COL4A6: variants seen among roughly 807,000 people sequenced by gnomAD.
COL4A6 encodes collagen alpha-6(IV) chain.
A neutral mutation model predicts 126.7 loss-of-function variants in COL4A6; 59 were observed. That is an observed-to-expected ratio of 0.47 (90% CI 0.38 to 0.58). The LOEUF (loss-of-function observed/expected upper bound fraction) is 0.58, where lower values mean the gene tolerates loss of function less well. Among genes scored for constraint, COL4A6 ranks in the 20% least tolerant of loss-of-function variants. The pLI, the probability that COL4A6 is intolerant of heterozygous loss-of-function variation, is 0.00. For missense variants in COL4A6, 1,285 were observed against 1,337.3 expected (o/e 0.96, Z 0.61); for synonymous variants, 547 against 496.6 (o/e 1.10, Z -1.35).
At chrX:108,248,078 A>G (rs1454061523) in intron 3 of COL4A6, among the ~76,000 whole-genome samples, 1 of 111,796 alleles carries the variant, frequency 8.9e-6, no homozygotes, top group Non-Finnish European at 1.9e-5. Context: ...TGGTATCCAG[A>G]GTAGGGGTAC....
intron 3 of COL4A6, among the ~76,000 whole-genome samples, chrX:108,309,169 T>C (rs183933656): frequency 3.6e-4 from 40 of 111,422 alleles, no homozygotes; most frequent in Middle Eastern, 4.7e-3. Flanking sequence ...ATTTTTGCTT[T>C]GTCTATACTG....
intron 2 of COL4A6, among the ~76,000 whole-genome samples, chrX:108,420,096 G>A (rs1167762138): frequency 4.5e-5 from 5 of 111,349 alleles, no homozygotes; most frequent in African/African-American, 1.6e-4. Context: ...TGTGCAAGGG[G>A]GTCATTAGGG....
intron 2 of COL4A6, among the ~76,000 whole-genome samples, chrX:108,370,218 T>A (rs188188531): frequency 8.9e-6 from 1 of 112,340 alleles, no homozygotes; most frequent in East Asian, 2.8e-4. Context: ...TGGTTTTTCA[T>A]TTTTACTTTT....
chrX:108,219,564 C>A, intron 5 of COL4A6, 134 bp downstream of exon 5: 1 of 595,010 alleles, frequency 1.7e-6, no homozygotes, highest in Non-Finnish European at 2.8e-6. Context: ...GCCCTTTAAA[C>A]CTCACCATAC....
At chrX:108,216,678 G>C (rs1432348811) in intron 5 of COL4A6, among the ~76,000 whole-genome samples, 1 of 112,540 alleles carries the variant, frequency 8.9e-6, no homozygotes, top group Non-Finnish European at 1.9e-5. Flanking sequence ...GCTCTTTGAG[G>C]GGGGAAACCA....
At chrX:108,211,455 A>G (rs1253920491) in intron 7 of COL4A6, among the ~76,000 whole-genome samples, 3 of 113,417 alleles carry the variant, frequency 2.6e-5, no homozygotes, top group Non-Finnish European at 3.7e-5. Flanking sequence ...TTTTTGGTCT[A>G]GATCCTGCAG....
At chrX:108,214,302 A>G in intron 5 of COL4A6, 74 bp from the exon 6 acceptor site, 1 of 714,660 alleles carries the variant, frequency 1.4e-6, no homozygotes, top group African/African-American at 2.1e-5. Flanking sequence ...CACAGCGAGA[A>G]AAGCCAAGCA....
chrX:108,439,412 T>C, upstream of COL4A6: 1 of 751,880 alleles, frequency 1.3e-6, no homozygotes, highest in Non-Finnish European at 1.9e-6. Flanking sequence ...CTTCTGCTTG[T>C]ATGTAGAAAC....
At chrX:108,389,767 C>T (rs191450246) in intron 2 of COL4A6, among the ~76,000 whole-genome samples, 3 of 111,247 alleles carry the variant, frequency 2.7e-5, no homozygotes, top group African/African-American at 9.8e-5. Context: ...TTGATCCTGT[C>T]GTTATGATGC....
Position 108,438,371 on chromosome X carries a change from A to C in COL4A6, c.-175T>G. ...ACTGCTTCTAGATAAGAAGTGCTCC[A>C]AAGGGAAACAGGCTCAGCGGTGCCC... On this transcript the variant is annotated 5_prime_UTR_variant, in exon 1 of 45. Transcript: ENST00000334504. The C allele has an allele frequency of 1.9e-6, 2 of 1,065,179 alleles. No individual in the cohort carries two copies. The highest frequency in any genetic ancestry group is 2.4e-6 in the Non-Finnish European group (2 of 826,912). 87.8% of individuals were successfully genotyped at this position (1,065,179 alleles called of 1,213,427 possible).
intron 3 of COL4A6, among the ~76,000 whole-genome samples, chrX:108,296,388 G>T (rs1234919694): frequency 9.0e-6 from 1 of 111,685 alleles, no homozygotes; most frequent in Non-Finnish European, 1.9e-5. Flanking sequence ...TTCTGAATCA[G>T]AGAGTGAAAA....
chrX:108,225,456 C>T (rs933676033), intron 3 of COL4A6, among the ~76,000 whole-genome samples: 3 of 112,512 alleles, frequency 2.7e-5, no homozygotes, highest in Non-Finnish European at 5.6e-5. Context: ...TTCCAATGAG[C>T]TCTCCTGCTT....
chrX:108,158,326 T>C (rs948731667), intron 44 of COL4A6, among the ~76,000 whole-genome samples: 2 of 112,952 alleles, frequency 1.8e-5, no homozygotes, highest in Non-Finnish European at 1.9e-5. Flanking sequence ...TTAATAGGTA[T>C]GTCTCATTGC....
At chrX:108,295,522 TATC>T (rs1193093378) in intron 3 of COL4A6, among the ~76,000 whole-genome samples, 1 of 112,934 alleles carries the variant, frequency 8.9e-6, no homozygotes, top group Non-Finnish European at 1.9e-5. Flanking sequence ...AATAAAGTTG[TATC>T]ATCATAATTC....
intron 2 of COL4A6, among the ~76,000 whole-genome samples, chrX:108,389,516 T>A (rs957971477): frequency 8.9e-6 from 1 of 111,742 alleles, no homozygotes; most frequent in Non-Finnish European, 1.9e-5. Flanking sequence ...AAGTCTGTTT[T>A]ATCAGAGACT....
chrX:108,318,070 T>C (rs1441935907), intron 2 of COL4A6, among the ~76,000 whole-genome samples: 1 of 112,069 alleles, frequency 8.9e-6, no homozygotes, highest in African/African-American at 3.2e-5. Context: ...TGATTCAATA[T>C]ATGCAAATCA....
rs776763911 is a variant in COL4A6, at chrX:108,165,439, T to C, written c.3739A>G (p.Ile1247Val). ...CCTGCTATGAGTGAGGGCAAGGAGA[T>C]GCCTGGGGCACCGGGGAGACCAGCA... is the stretch of plus-strand genomic sequence containing the variant. The part of the protein sequence containing the change: ...GPAGLPGAPG[I>V]SLPSLIAGQP... The change falls in exon 38 of 45, where the codon ATC becomes GTC. Residue 1247 changes from isoleucine (I) to valine (V), a missense_variant. Ile to Val is a conservative substitution (Grantham distance 29). Coordinates refer to ENST00000334504, the MANE Select transcript of COL4A6 (RefSeq NM_033641.4). 3 of 1,204,799 alleles carry C rather than the reference T, an allele frequency of 2.5e-6. No individual in the cohort carries two copies. In the South Asian group the frequency reaches 5.4e-5, roughly 22 times the overall value.
At position 108,170,930 on chromosome X, in the gene COL4A6, G is replaced by GA; in HGVS notation, c.3278-14dup. ...CTTCCTTTTGTGCCTATAAAACCAAGAAAAATGCTGAGTGATTAGGCCATA... is the reference window on the plus strand; with the variant it reads ...CTTCCTTTTGTGCCTATAAAACCAAGAAAAAATGCTGAGTGATTAGGCCATA... On this transcript the variant is annotated splice_polypyrimidine_tract_variant and intron_variant, in intron 33 of 44. Transcript: ENST00000334504. 8.6e-7 allele frequency: 1 copy of GA among 1,165,115 alleles called. No individual in the cohort carries two copies. The highest frequency in any genetic ancestry group is 1.2e-6 in the Non-Finnish European group (1 of 853,328).
chrX:108,182,952 G>C (rs1395149675), intron 23 of COL4A6, among the ~76,000 whole-genome samples: 1 of 112,323 alleles, frequency 8.9e-6, no homozygotes, highest in Non-Finnish European at 1.9e-5. Flanking sequence ...CATCCAGAAA[G>C]GTTCCGGGAT....
Sources: gnomAD v4.1 joint callset for allele counts (sites outside exome capture counted in the v4.1 genomes callset) on GRCh38, gnomAD v4.1.1 for gene constraint, MANE v1.5 for transcripts, NCBI Gene and HGNC (gene_info 2026-07-23, HGNC 2026-07-21) for gene names.